ZNF385C: variants seen among roughly 807,000 people sequenced by gnomAD.
ZNF385C encodes the protein zinc finger protein 385C, also known as CTD-2132N18.2.
ZNF385C carries 28 observed loss-of-function variants against 35.4 expected under a neutral mutation model. That is an observed-to-expected ratio of 0.79 (90% CI 0.59 to 1.08). The LOEUF is 1.08. Ranked by LOEUF, ZNF385C falls within the 50% of genes least tolerant of loss-of-function variation. The pLI is 0.00. For missense variants in ZNF385C, 605 were observed against 595.6 expected, an observed-to-expected ratio of 1.02 and a Z score of -0.16; for synonymous variants, 248 against 248.2, an observed-to-expected ratio of 1.00 and a Z score of 0.01.
At chr17:42,065,239 C>G (rs1052815899) in intron 1 of ZNF385C, 14 of 152,196 alleles carry the variant, frequency 9.2e-5, no homozygotes, top group African/African-American at 3.4e-4. Context: ...GAAGAGAGGC[C>G]TTTGAAGAAA....
chr17:42,045,334 C>A (rs1419534284), intron 2 of ZNF385C, among the ~76,000 whole-genome samples: 2 of 151,910 alleles, frequency 1.3e-5, no homozygotes, highest in Non-Finnish European at 2.9e-5. Context: ...TACAGGCGTG[C>A]GCCACCGCGC....
At chr17:42,037,415 ACACAC>A (rs2052883124) in intron 3 of ZNF385C, among the ~76,000 whole-genome samples, 1 of 118,472 alleles carries the variant, frequency 8.4e-6, no homozygotes, top group East Asian at 2.6e-4. Flanking sequence ...ACACACACAC[ACACAC>A]GTCATCCACA....
chr17:42,069,158 T>C (rs990366269), intron 1 of ZNF385C, among the ~76,000 whole-genome samples: 1 of 149,584 alleles, frequency 6.7e-6, no homozygotes, highest in Non-Finnish European at 1.5e-5. Flanking sequence ...GGTTGGGCCC[T>C]GGGAGGGAGC....
intron 1 of ZNF385C, among the ~76,000 whole-genome samples, chr17:42,064,081 C>CAT (rs1206051151): frequency 5.2e-5 from 5 of 96,190 alleles, no homozygotes; most frequent in Non-Finnish European, 9.3e-5. Context: ...CATACACACA[C>CAT]ACACACACAC....
rs2053266390 is a variant in ZNF385C at position 42,050,752 on chromosome 17, A to G, written c.250+12055T>C. 6.7e-6 allele frequency: 1 copy of G among 149,968 alleles called. No individual in the cohort carries two copies. Among genetic ancestry groups the G allele is most frequent in the African/African-American group, 2.4e-5 (1 of 41,070 alleles). 9.3% of individuals were successfully genotyped at this position (149,968 alleles called of 1,614,324 possible). ...CGCCCACCTGCGGCGCCTCCCGCCC[A>G]GCGCGCTCAGCCCGGCCCCGGCCCC... On this transcript the variant is annotated intron_variant, in intron 2 of 8. Coordinates refer to ENST00000692273, the MANE Select transcript of ZNF385C (RefSeq NM_001392013.1). The surrounding 1 kb of genome is among the most constrained non-coding windows in gnomAD (Gnocchi z 5.6).
At chr17:42,092,512 G>A (rs1845931844) in intron 1 of ZNF385C, among the ~76,000 whole-genome samples, 1 of 152,210 alleles carries the variant, frequency 6.6e-6, no homozygotes, top group African/African-American at 2.4e-5. Flanking sequence ...GCCCTTTGGG[G>A]TCCTAGGGAG....
chr17:42,090,277 CTTTTTTTTTT>C (rs1162613191), intron 1 of ZNF385C, among the ~76,000 whole-genome samples: 40 of 98,890 alleles, frequency 4.0e-4, no homozygotes, highest in Non-Finnish European at 6.5e-4. Context: ...CTCTTATTCC[CTTTTTTTTTT>C]TTTTTTTTTT....
chr17:42,088,453 G>A (rs1448691457), intron 1 of ZNF385C, among the ~76,000 whole-genome samples: 11 of 152,256 alleles, frequency 7.2e-5, no homozygotes, highest in South Asian at 2.1e-4. Flanking sequence ...GAGCACCGCC[G>A]GACAAGCGCC....
intron 2 of ZNF385C, chr17:42,040,398 T>C (rs1273364085): frequency 3.2e-6 from 4 of 1,231,806 alleles, no homozygotes; most frequent in Non-Finnish European, 4.0e-6. Context: ...GGGCCCCACC[T>C]GAGCCGCGCT....
intron 5 of ZNF385C, among the ~76,000 whole-genome samples, chr17:42,029,636 C>T (rs1046164548): frequency 7.3e-5 from 11 of 150,460 alleles, no homozygotes; most frequent in African/African-American, 2.7e-4. Context: ...ATCGCTTGAA[C>T]CTGCAAGGTG....
chr17:42,077,256 T>A (rs1414782611), intron 1 of ZNF385C, among the ~76,000 whole-genome samples: 2 of 152,202 alleles, frequency 1.3e-5, no homozygotes, highest in Non-Finnish European at 2.9e-5. Flanking sequence ...AGTTTCCTTA[T>A]CTCTAAAACA....
At chr17:42,042,861 G>T in intron 2 of ZNF385C, 1 of 1,232,328 alleles carries the variant, frequency 8.1e-7, no homozygotes, top group East Asian at 3.2e-5. Flanking sequence ...TCCTGGGACT[G>T]TAGTAATCGC....
At chr17:42,038,077 C>G in intron 2 of ZNF385C, 192 bp from the exon 3 acceptor site, 1 of 1,534,862 alleles carries the variant, frequency 6.5e-7, no homozygotes, top group Non-Finnish European at 8.7e-7. Flanking sequence ...GCTGGGGAAG[C>G]AGAGGCAGGG....
Position 42,025,826 on chromosome 17 carries a change from G to A in ZNF385C, c.*1071C>T, listed in dbSNP as rs563667589. ...GAAAATGGGTCTTGCCAGTGCATGT[G>A]AGACTGCCTCCCAACACTCAGCTTC... On this transcript the variant is annotated 3_prime_UTR_variant, in exon 9 of 9. Transcript: ENST00000692273. The A allele has an allele frequency of 6.6e-6, 1 of 152,418 alleles. No homozygotes were observed. The highest frequency in any genetic ancestry group is 1.9e-4 in the East Asian group (1 of 5,182). 9.4% of individuals were successfully genotyped at this position (152,418 alleles called of 1,614,324 possible). A position where few individuals can be genotyped will look rare whatever the true frequency, so the allele number is the denominator to read the frequency against.
Position 42,027,868 on chromosome 17 carries a change from C to G in ZNF385C, c.1165-140G>C. 5.8e-6 allele frequency: 7 copies of G among 1,212,756 alleles called. No individual in the cohort carries two copies. The South Asian group carries it at 8.0e-5, about 14-fold the overall frequency. The allele number at this position is 1,212,756 out of a possible 1,614,324, so 75.1% of individuals were successfully genotyped here. ...GACTGGGTCCTCACCCTGGGGTAGG[C>G]CCTGGGAAGGGGAGGTGAGTCTTGG... On this transcript the variant is annotated intron_variant, in intron 7 of 8. Coordinates refer to ENST00000692273, the MANE Select transcript of ZNF385C (RefSeq NM_001392013.1).
chr17:42,095,649 G>A lies in ZNF385C; in HGVS notation c.-3+2761C>T, dbSNP rs1026616357. ...AAAAAAATTGTCCCAGTTTTGTGGT[G>A]GATAATGAGGTCAGGAGGCCCACAG... On this transcript the variant is annotated intron_variant, in intron 1 of 8. Coordinates refer to ENST00000692273, the MANE Select transcript of ZNF385C (RefSeq NM_001392013.1). This position sits in a 1 kb window ranked among gnomAD's most constrained non-coding sequence, Gnocchi z 4.4. 1.3e-5 allele frequency among the ~76,000 whole-genome samples: 2 copies of A among 152,136 alleles called. No homozygotes were observed. Among genetic ancestry groups the A allele is most frequent in the Non-Finnish European group, 2.9e-5 (2 of 68,024 alleles).
intron 2 of ZNF385C, among the ~76,000 whole-genome samples, chr17:42,052,676 C>T (rs1477333283): frequency 6.6e-6 from 1 of 152,192 alleles, no homozygotes; most frequent in Non-Finnish European, 1.5e-5. Context: ...AATGCAGTTA[C>T]AGACCATGGA....
chr17:42,037,781 A>G lies in ZNF385C; in HGVS notation c.355T>C (p.Phe119Leu), dbSNP rs2052895451. The G allele has an allele frequency of 6.5e-7, 1 of 1,536,038 alleles. No homozygotes were observed. The highest frequency in any genetic ancestry group is 8.8e-7 in the Non-Finnish European group (1 of 1,140,362). The change falls in exon 3 of 9, where the codon TTC becomes CTC. Residue 119 changes from phenylalanine to leucine, a missense_variant. Physicochemically the swap from Phe to Leu is conservative, Grantham distance 22. Coordinates refer to ENST00000692273, the MANE Select transcript of ZNF385C (RefSeq NM_001392013.1). ...AGACTGAGCGGGGCAGCGCCATTGA[A>G]GTGGAAGGCGAGCAAGTGCTTGAAG... ...LDFKHLLAFH[F>L]NGAAPLSLFP...
intron 2 of ZNF385C, among the ~76,000 whole-genome samples, chr17:42,044,307 CAAAAAAAAAAAAAAA>C (rs57246793): frequency 2.8e-5 from 2 of 70,548 alleles, no homozygotes; most frequent in Admixed American, 3.2e-4. Flanking sequence ...GACCCTGTCT[CAAAAAAAAAAAAAAA>C]AAAAAAAAAG....
Sources: allele counts gnomAD v4.1 joint callset (sites outside exome capture counted in the v4.1 genomes callset), GRCh38; gene constraint gnomAD v4.1.1; non-coding constraint Gnocchi (gnomAD v3.1); transcripts MANE v1.5; gene names NCBI Gene and HGNC (gene_info 2026-07-23, HGNC 2026-07-21).